Variants in LRRC49 observed in about 807,000 individuals in gnomAD.
The protein encoded by LRRC49 is leucine-rich repeat-containing protein 49.
Under a neutral mutation model 83.3 loss-of-function variants are expected in LRRC49, and 50 were observed. The observed-to-expected ratio is 0.60, with a 90% confidence interval of 0.48 to 0.76. The LOEUF is 0.76. Ranked by LOEUF, LRRC49 falls within the 30% of genes least tolerant of loss-of-function variation. The pLI, the probability that LRRC49 is intolerant of heterozygous loss-of-function variation, is 0.00. For synonymous variants in LRRC49, 286 were observed against 283.3 expected, an observed-to-expected ratio of 1.01 and a Z score of -0.10; for missense variants, 704 against 809.1, an observed-to-expected ratio of 0.87 and a Z score of 1.58.
chr15:70,926,694 G>T (rs1429069294), intron 7 of LRRC49, among the ~76,000 whole-genome samples: 1 of 150,512 alleles, frequency 6.6e-6, no homozygotes, highest in Non-Finnish European at 1.5e-5. Flanking sequence ...ACAGGCCCCA[G>T]TGTGTGATGT....
At chr15:71,004,759 A>C (rs1189534182) in intron 11 of LRRC49, among the ~76,000 whole-genome samples, 1 of 152,136 alleles carries the variant, frequency 6.6e-6, no homozygotes, top group African/African-American at 2.4e-5. Context: ...ACATGGATGG[A>C]GCTGGAGGCC....
chr15:70,901,149 A>G (rs1050808749), intron 4 of LRRC49, 125 bp downstream of exon 4: 3 of 574,284 alleles, frequency 5.2e-6, no homozygotes, highest in Non-Finnish European at 9.0e-6. Context: ...TCCTATTTAG[A>G]TATAATTTTT....
At chr15:70,875,905 A>G (rs192077438) in intron 2 of LRRC49, among the ~76,000 whole-genome samples, 15 of 152,356 alleles carry the variant, frequency 9.8e-5, no homozygotes, top group Non-Finnish European at 2.1e-4. Flanking sequence ...TTCTTGGTAC[A>G]TAAAGGGAAG....
rs141897920 is a variant in LRRC49, at chr15:70,995,157, A to C, written c.1169+10900A>C. Among the ~76,000 whole-genome samples, 5 of 152,346 alleles carry C rather than the reference A, an allele frequency of 3.3e-5. No individual in the cohort carries two copies. In the East Asian group the frequency reaches 9.6e-4, roughly 29 times the overall value. On this transcript the variant is annotated intron_variant, in intron 11 of 15. Coordinates refer to ENST00000260382, the MANE Select transcript of LRRC49 (RefSeq NM_017691.5). ...AAAATTCAAGTGTGATGACAAAGGA[A>C]AAGATAGAAATGATGGGTCAGATAG...
chr15:70,996,333 G>T (rs1235585501), intron 11 of LRRC49, among the ~76,000 whole-genome samples: 34 of 152,002 alleles, frequency 2.2e-4, no homozygotes, highest in Non-Finnish European at 1.0e-4. Context: ...ATTTCTAAAA[G>T]AACTTTTTAT....
chr15:70,878,879 A>G (rs2033206494), intron 2 of LRRC49, among the ~76,000 whole-genome samples: 1 of 152,240 alleles, frequency 6.6e-6, no homozygotes, highest in Non-Finnish European at 1.5e-5. Flanking sequence ...ATACACACAT[A>G]ACTTTACAAG....
At chr15:71,006,035 G>A (rs2038445770) in intron 11 of LRRC49, among the ~76,000 whole-genome samples, 1 of 152,142 alleles carries the variant, frequency 6.6e-6, no homozygotes, top group Non-Finnish European at 1.5e-5. Context: ...TATATGGCCT[G>A]TTTACTAGGT....
At chr15:70,875,859 T>A (rs2033142771) in intron 2 of LRRC49, among the ~76,000 whole-genome samples, 1 of 152,210 alleles carries the variant, frequency 6.6e-6, no homozygotes, top group South Asian at 2.1e-4. Context: ...TCCCAATAAT[T>A]TTTTCTCCCA....
chr15:71,042,419 T>C (rs535142716), intron 15 of LRRC49, among the ~76,000 whole-genome samples: 1 of 152,316 alleles, frequency 6.6e-6, no homozygotes, highest in East Asian at 1.9e-4. Context: ...AGAAGGAATC[T>C]GAAGCCCCAA....
At chr15:70,936,732 A>AT (rs1230689413) in intron 7 of LRRC49, 29 bp from the exon 8 acceptor site, 13 of 1,453,194 alleles carry the variant, frequency 8.9e-6, no homozygotes, top group Non-Finnish European at 1.3e-5. Context: ...CTTTCATCTG[A>AT]TTAAGTTTTG....
intron 8 of LRRC49, among the ~76,000 whole-genome samples, chr15:70,955,662 G>A (rs906469266): frequency 2.0e-5 from 3 of 152,116 alleles, no homozygotes; most frequent in Admixed American, 2.0e-4. Flanking sequence ...ATAAAGGTCA[G>A]TTTCTACATT....
At chr15:71,013,229 T>A (rs2038716508) in intron 14 of LRRC49, among the ~76,000 whole-genome samples, 1 of 152,192 alleles carries the variant, frequency 6.6e-6, no homozygotes, top group African/African-American at 2.4e-5. Context: ...GAAAACATTT[T>A]ATCTAGTTCT....
chr15:71,000,442 T>G (rs560237567), intron 11 of LRRC49, among the ~76,000 whole-genome samples: 1 of 152,324 alleles, frequency 6.6e-6, no homozygotes, highest in South Asian at 2.1e-4. Flanking sequence ...TAAACAGTAT[T>G]TAAGTCTCTA....
At chr15:70,915,644 C>G (rs2034741809) in intron 6 of LRRC49, among the ~76,000 whole-genome samples, 1 of 152,148 alleles carries the variant, frequency 6.6e-6, no homozygotes, top group Non-Finnish European at 1.5e-5. Context: ...TCTACAGTAT[C>G]TATTTTCCTT....
chr15:70,947,894 C>T (rs1008371309), intron 8 of LRRC49, among the ~76,000 whole-genome samples: 10 of 152,100 alleles, frequency 6.6e-5, no homozygotes, highest in African/African-American at 2.4e-4. Context: ...GTCCTTATCC[C>T]CTAGGACAAT....
chr15:70,878,829 A>G (rs1006273854), intron 2 of LRRC49, among the ~76,000 whole-genome samples: 12 of 152,216 alleles, frequency 7.9e-5, no homozygotes, highest in African/African-American at 2.7e-4. Context: ...TATTATTTGT[A>G]TAATGTATTG....
chr15:70,984,091 TAGG>T lies in LRRC49; in HGVS notation c.1006_1008del (p.Glu336del), dbSNP rs1193099466. 1 of 1,612,138 alleles carries T rather than the reference TAGG, an allele frequency of 6.2e-7. No homozygotes were observed. The highest frequency in any genetic ancestry group is 8.5e-7 in the Non-Finnish European group (1 of 1,178,988). ...ACTTTTGTCACAATTAACTTTTTCA[TAGG>T]AGAAGAAAAGGTTAACAATTAACAA... is the stretch of plus-strand genomic sequence containing the variant. On this transcript the variant is annotated splice_acceptor_variant and coding_sequence_variant, in exon 11 of 16. Transcript: ENST00000260382. LOFTEE classifies it high-confidence loss of function.
chr15:70,974,843 T>G (rs1376747597), intron 9 of LRRC49, among the ~76,000 whole-genome samples: 1 of 152,116 alleles, frequency 6.6e-6, no homozygotes, highest in Non-Finnish European at 1.5e-5. Context: ...ATGCCTAGTC[T>G]AGAAAAGTAA....
intron 11 of LRRC49, among the ~76,000 whole-genome samples, chr15:70,993,721 G>A (rs2037978049): frequency 6.6e-6 from 1 of 152,106 alleles, no homozygotes; most frequent in Non-Finnish European, 1.5e-5. Flanking sequence ...ATACAGGTCA[G>A]TTCTATTTCT....
Sources: gnomAD v4.1 joint callset for allele counts (sites outside exome capture counted in the v4.1 genomes callset) on GRCh38, gnomAD v4.1.1 for gene constraint, MANE v1.5 for transcripts, NCBI Gene and HGNC (gene_info 2026-07-23, HGNC 2026-07-21) for gene names.